Variants in CCL26 observed in about 807,000 individuals in gnomAD.
CCL26 encodes C-C motif chemokine ligand 26, also known as C-C motif chemokine 26.
Under a neutral mutation model 10.7 loss-of-function variants are expected in CCL26, and 10 were observed. That is an observed-to-expected ratio of 0.93 (90% CI 0.57 to 1.58). The LOEUF is 1.58. CCL26 is among the 40% of genes most tolerant of loss of function. The pLI, the probability that CCL26 is intolerant of heterozygous loss-of-function variation, is 0.00. For synonymous variants in CCL26, 43 were observed against 41.4 expected, an observed-to-expected ratio of 1.04 and a Z score of -0.15; for missense variants, 116 against 111.0, an observed-to-expected ratio of 1.05 and a Z score of -0.20.
Position 75,779,625 on chromosome 7 carries a change from C to T in CCL26, c.-78-7371G>A, listed in dbSNP as rs374283039. ...CGTTTTATCCGTGGACCCAAAACTC[C>T]GGCTCCAGTCATGGACTCGGGAAGA... On this transcript the variant is annotated intron_variant, in intron 1 of 3. Transcript: ENST00000394905. 3.1e-4 allele frequency among the ~76,000 whole-genome samples: 47 copies of T among 152,320 alleles called. 1 individual carries two copies. The South Asian group carries it at 6.0e-3, about 19-fold the overall frequency.
Position 75,772,063 on chromosome 7 carries a change from C to A in CCL26, c.73+41G>T, listed in dbSNP as rs544903997. On this transcript the variant is annotated intron_variant, in intron 1 of 2. Coordinates refer to ENST00000005180, the MANE Select transcript of CCL26 (RefSeq NM_001371938.1). ...TCATTTCCATCCACTCCCAGGCGGT[C>A]CGGGAAGGAACCCCAGGAGGGGAAT... 6.2e-6 allele frequency: 10 copies of A among 1,607,652 alleles called. No individual in the cohort carries two copies. The African/African-American group carries it at 1.1e-4, about 17-fold the overall frequency.
At chr7:75,788,258 G>A (rs1244128753) in intron 1 of CCL26, among the ~76,000 whole-genome samples, 1 of 152,104 alleles carries the variant, frequency 6.6e-6, no homozygotes, top group Non-Finnish European at 1.5e-5. Flanking sequence ...AATCACAAAA[G>A]AAGTGAAAAT....
At chr7:75,772,490 C>T (rs971857212), upstream of CCL26, among the ~76,000 whole-genome samples, 25 of 152,092 alleles carry the variant, frequency 1.6e-4, no homozygotes, top group African/African-American at 6.0e-4. Context: ...AACCCTGTCT[C>T]TACTAAAAAC....
upstream of CCL26, among the ~76,000 whole-genome samples, chr7:75,791,524 C>T (rs1803333264): frequency 7.0e-6 from 1 of 142,492 alleles, no homozygotes; most frequent in Non-Finnish European, 1.6e-5. Flanking sequence ...CAGGAGCCCC[C>T]ATCTGCTGTG....
At position 75,781,491 on chromosome 7, in the gene CCL26, C is replaced by T. The variant is rs533598706; in HGVS notation, c.-79+8226G>A. The stretch of plus-strand genomic sequence containing the variant: ...GCCCAGGATTCCTCCTAAGCCTTGT[C>T]CCATCTGTGTGGGACCCCAATGAAA... On this transcript the variant is annotated intron_variant, in intron 1 of 3. Transcript: ENST00000394905. Among the ~76,000 whole-genome samples, 8 of 152,308 alleles carry T rather than the reference C, an allele frequency of 5.3e-5. No homozygotes were observed. The South Asian group carries it at 1.7e-3, about 32-fold the overall frequency.
At chr7:75,776,681 G>C (rs1285844112), upstream of CCL26, among the ~76,000 whole-genome samples, 1 of 152,044 alleles carries the variant, frequency 6.6e-6, no homozygotes, top group African/African-American at 2.4e-5. Flanking sequence ...AACCCACATG[G>C]TGAATATAAA....
At chr7:75,780,433 C>T (rs1182575903) in intron 1 of CCL26, among the ~76,000 whole-genome samples, 4 of 152,130 alleles carry the variant, frequency 2.6e-5, no homozygotes, top group African/African-American at 9.7e-5. Context: ...ACTTTTAAAA[C>T]CTCTTCAACC....
At chr7:75,770,539 G>A (rs1233333809) in intron 2 of CCL26, among the ~76,000 whole-genome samples, 2 of 150,850 alleles carry the variant, frequency 1.3e-5, no homozygotes, top group South Asian at 2.1e-4. Flanking sequence ...GCGCCACCAC[G>A]TCCAGCTAAT....
At position 75,785,389 on chromosome 7, in the gene CCL26, CT is replaced by C. The variant is rs1439706787; in HGVS notation, c.-79+4327del. On this transcript the variant is annotated intron_variant, in intron 1 of 3. Coordinates refer to the CCL26 transcript ENST00000394905. ...TCACCTTATTCAATATATTGATGAC[CT>C]TCTACTTTGTAGCCCCTCCTTTGAA... Among the ~76,000 whole-genome samples the C allele has an allele frequency of 3.9e-5, 6 of 152,180 alleles. 1 individual carries two copies. The East Asian group carries it at 1.2e-3, about 29-fold the overall frequency.
At chr7:75,773,254 T>A (rs1476726915), upstream of CCL26, among the ~76,000 whole-genome samples, 2 of 151,858 alleles carry the variant, frequency 1.3e-5, no homozygotes, top group African/African-American at 4.8e-5. Context: ...TGAAACCCCG[T>A]CCCCACTAGA....
upstream of CCL26, among the ~76,000 whole-genome samples, chr7:75,773,327 G>T (rs1585009645): frequency 6.6e-6 from 1 of 152,064 alleles, no homozygotes. Flanking sequence ...GGGAGGCTGA[G>T]GCAGGAGAAT....
upstream of CCL26, among the ~76,000 whole-genome samples, chr7:75,776,565 GAA>G (rs1554528742): frequency 6.7e-5 from 7 of 104,822 alleles, no homozygotes; most frequent in Admixed American, 3.5e-4. Context: ...AGGAAGGAAG[GAA>G]GGAAGGAAGG....
intron 1 of CCL26, among the ~76,000 whole-genome samples, chr7:75,780,199 G>A (rs113659475): frequency 1.7e-4 from 26 of 151,020 alleles, no homozygotes; most frequent in African/African-American, 5.8e-4. Flanking sequence ...TGGGGGGCAA[G>A]CACCTCCCAC....
chr7:75,773,330 A>C (rs1279293900), upstream of CCL26, among the ~76,000 whole-genome samples: 2 of 152,016 alleles, frequency 1.3e-5, no homozygotes, highest in Non-Finnish European at 2.9e-5. Context: ...AGGCTGAGGC[A>C]GGAGAATCGC....
intron 1 of CCL26, among the ~76,000 whole-genome samples, chr7:75,788,324 C>A (rs1178922343): frequency 6.6e-6 from 1 of 152,042 alleles, no homozygotes; most frequent in Non-Finnish European, 1.5e-5. Flanking sequence ...TCTCCTGGCT[C>A]ATCCTGGCTC....
chr7:75,775,479 G>A (rs1802917771), upstream of CCL26, among the ~76,000 whole-genome samples: 1 of 152,186 alleles, frequency 6.6e-6, no homozygotes, highest in African/African-American at 2.4e-5. Flanking sequence ...ACTGAGGCAA[G>A]GAAGCAGAGG....
At chr7:75,786,156 G>A (rs1026273674) in intron 1 of CCL26, among the ~76,000 whole-genome samples, 1 of 151,956 alleles carries the variant, frequency 6.6e-6, no homozygotes, top group Non-Finnish European at 1.5e-5. Context: ...CTTCAATCCG[G>A]CCTCCCACAT....
chr7:75,771,754 CAG>C (rs1563334773), intron 2 of CCL26, 133 bp downstream of exon 2: 5 of 649,928 alleles, frequency 7.7e-6, no homozygotes, highest in Admixed American at 5.4e-5. Context: ...ACCTGAAGCT[CAG>C]AGTCACACTT....
upstream of CCL26, among the ~76,000 whole-genome samples, chr7:75,775,117 G>C (rs1303182353): frequency 1.3e-5 from 2 of 152,022 alleles, no homozygotes; most frequent in Non-Finnish European, 2.9e-5. Context: ...CTACTTGGGA[G>C]GATGAGGCAG....
Sources: gnomAD v4.1 joint callset for allele counts (sites outside exome capture counted in the v4.1 genomes callset) on GRCh38, gnomAD v4.1.1 for gene constraint, MANE v1.5 for transcripts, NCBI Gene and HGNC (gene_info 2026-07-23, HGNC 2026-07-21) for gene names.